Variants in OTUD7B observed in about 807,000 individuals in gnomAD.
OTUD7B encodes the protein OTU deubiquitinase 7B.
Under a neutral mutation model 82.2 loss-of-function variants are expected in OTUD7B, and 34 were observed. That is an observed-to-expected ratio of 0.41 (90% CI 0.31 to 0.55). OTUD7B has a LOEUF of 0.55. Among genes scored for constraint, OTUD7B ranks in the 20% least tolerant of loss-of-function variants. The pLI, the probability that OTUD7B is intolerant of heterozygous loss-of-function variation, is 0.20. For synonymous variants in OTUD7B, 398 were observed against 402.7 expected (o/e 0.99, Z 0.14); for missense variants, 944 against 1,062.1 (o/e 0.89, Z 1.55).
the OTUD7B span, among the ~76,000 whole-genome samples, chr1:150,042,745 T>G: frequency 6.6e-6 from 1 of 152,096 alleles, no homozygotes; most frequent in Non-Finnish European, 1.5e-5. Flanking sequence ...AATTTAGAGA[T>G]CTTTCCCACC....
At chr1:150,059,053 CTTTTT>C in the OTUD7B span, among the ~76,000 whole-genome samples, 1 of 125,470 alleles carries the variant, frequency 8.0e-6, no homozygotes. Flanking sequence ...ACTTTCTTTT[CTTTTT>C]TTTTTTTTTT....
In OTUD7B at chr1:149,944,424, T is replaced by C. The variant is rs782747550; in HGVS notation, c.1965A>G (p.Gly655=). The change falls in exon 12 of 12, where the codon GGA becomes GGG. Residue 655 remains glycine, a synonymous_variant. Coordinates refer to ENST00000581312, the MANE Select transcript of OTUD7B (RefSeq NM_020205.4). ...CTGGAGGAGGGCCACCCCCTATTCC[T>C]CCATTCATGATCTTCCTCTCTGCCT... is the stretch of plus-strand genomic sequence containing the variant. ...QKEAERKIMN[G]GIGGGPPPAK... is the part of the protein sequence containing the mutation. The C allele has an allele frequency of 6.2e-7, 1 of 1,614,108 alleles. No individual in the cohort carries two copies. The highest frequency in any genetic ancestry group is 8.5e-7 in the Non-Finnish European group (1 of 1,180,006).
At chr1:149,962,445 T>C (rs1340746205) in intron 6 of OTUD7B, 3 of 152,222 alleles carry the variant, frequency 2.0e-5, no homozygotes, top group African/African-American at 7.2e-5. Flanking sequence ...AAGACAATTA[T>C]GAAAGCCACA....
At chr1:149,949,812 G>A in intron 8 of OTUD7B, 34 bp from the exon 9 acceptor site, 2 of 1,599,358 alleles carry the variant, frequency 1.3e-6, no homozygotes, top group Non-Finnish European at 1.7e-6. Flanking sequence ...TATGAAGGCT[G>A]TGTTTCTGCC....
chr1:149,962,007 A>G (rs1649194060), intron 6 of OTUD7B: 1 of 152,240 alleles, frequency 6.6e-6, no homozygotes, highest in South Asian at 2.1e-4. Flanking sequence ...CACTGGAAAC[A>G]TGAGGGGTAC....
chr1:149,955,392 CT>C (rs1553774355), intron 7 of OTUD7B, among the ~76,000 whole-genome samples: 2 of 152,202 alleles, frequency 1.3e-5, no homozygotes, highest in Admixed American at 1.3e-4. Flanking sequence ...TTTGATTGCA[CT>C]GTGGTCTGAC....
chr1:149,944,732 T>C lies in OTUD7B; in HGVS notation c.1657A>G (p.Lys553Glu). The change falls in exon 12 of 12, where the codon AAA becomes GAA. Residue 553 changes from lysine to glutamate, a missense_variant. Lys to Glu is a moderately conservative substitution (Grantham distance 56, BLOSUM62 1). This residue lies in a region of OTUD7B where 412 missense variants were observed against 418.7 expected (regional missense o/e 0.98). Coordinates refer to ENST00000581312, the MANE Select transcript of OTUD7B (RefSeq NM_020205.4). ...SGTETLEKKK[K>E]NSLKSWKGGK... ...CCCTTCCAGCTCTTCAGTGAGTTTT[T>C]CTTCTTCTTCTCCAGTGTCTCAGTG... is the stretch of plus-strand genomic sequence containing the variant. The C allele has an allele frequency of 1.2e-5, 19 of 1,576,480 alleles. No homozygotes were observed. Among genetic ancestry groups the C allele is most frequent in the Non-Finnish European group, 1.7e-5 (19 of 1,146,224 alleles).
the OTUD7B span, among the ~76,000 whole-genome samples, chr1:150,030,594 A>C: frequency 6.6e-6 from 1 of 152,214 alleles, no homozygotes; most frequent in African/African-American, 2.4e-5. Flanking sequence ...TTCATAAAAC[A>C]TTCGTTGGAA....
intron 10 of OTUD7B, 30 bp from the exon 11 acceptor site, chr1:149,947,365 T>C (rs782797763): frequency 1.5e-6 from 2 of 1,360,372 alleles, no homozygotes; most frequent in South Asian, 2.3e-5. Flanking sequence ...CAAATTACTG[T>C]CACCTTTTAA....
intron 1 of OTUD7B, among the ~76,000 whole-genome samples, chr1:150,002,561 A>C (rs1553785117): frequency 1.3e-5 from 2 of 152,216 alleles, no homozygotes. Flanking sequence ...AAGTCCTTCT[A>C]TCTGCTAGTA....
the OTUD7B span, among the ~76,000 whole-genome samples, chr1:150,021,140 A>T: frequency 2.0e-5 from 3 of 152,182 alleles, no homozygotes; most frequent in East Asian, 5.8e-4. Context: ...CTCAAAACAC[A>T]CACACCCCTA....
chr1:150,019,793 T>A, the OTUD7B span, among the ~76,000 whole-genome samples: 1 of 152,166 alleles, frequency 6.6e-6, no homozygotes, highest in Non-Finnish European at 1.5e-5. Flanking sequence ...AGAGAGCTCA[T>A]AGATTGCTCT....
At chr1:149,972,861 A>T (rs1236351832) in intron 2 of OTUD7B, among the ~76,000 whole-genome samples, 1 of 152,180 alleles carries the variant, frequency 6.6e-6, no homozygotes, top group African/African-American at 2.4e-5. Context: ...TCTTCCTAAC[A>T]ATCCACATGG....
At chr1:149,947,413 G>A (rs938633585) in intron 10 of OTUD7B, 78 bp from the exon 11 acceptor site, 6 of 833,224 alleles carry the variant, frequency 7.2e-6, no homozygotes, top group Non-Finnish European at 1.0e-5. Flanking sequence ...GAAAGGGTGG[G>A]AGAGGGCTAC....
At chr1:150,004,931 C>T (rs1048870508) in intron 1 of OTUD7B, among the ~76,000 whole-genome samples, 17 of 152,056 alleles carry the variant, frequency 1.1e-4, no homozygotes, top group Admixed American at 5.9e-4. Context: ...GGTGCTATCT[C>T]GGCTGTTTGC....
At chr1:149,963,393 C>T (rs1267760656) in intron 6 of OTUD7B, 1 of 152,138 alleles carries the variant, frequency 6.6e-6, no homozygotes, top group Middle Eastern at 3.2e-3. Context: ...GGGAAGTAAT[C>T]AGCAAACTTT....
intron 1 of OTUD7B, among the ~76,000 whole-genome samples, chr1:150,007,535 T>C (rs1652746783): frequency 6.6e-6 from 1 of 152,184 alleles, no homozygotes; most frequent in African/African-American, 2.4e-5. Context: ...TTCCCATATT[T>C]ATACACCACC....
At chr1:150,014,707 C>T (rs1653219552), upstream of OTUD7B, among the ~76,000 whole-genome samples, 2 of 151,996 alleles carry the variant, frequency 1.3e-5, no homozygotes, top group South Asian at 4.2e-4. Flanking sequence ...CAAAAAAAGC[C>T]ATTTATGTGA....
At chr1:149,994,948 AT>A (rs1338785265) in intron 1 of OTUD7B, among the ~76,000 whole-genome samples, 1 of 152,216 alleles carries the variant, frequency 6.6e-6, no homozygotes, top group East Asian at 1.9e-4. Flanking sequence ...AAATGTTAAG[AT>A]TACAGTCTCA....
Sources: allele counts gnomAD v4.1 joint callset (sites outside exome capture counted in the v4.1 genomes callset), GRCh38; gene constraint gnomAD v4.1.1; regional missense constraint gnomAD v4.1.1; transcripts MANE v1.5; gene names NCBI Gene and HGNC (gene_info 2026-07-23, HGNC 2026-07-21).